The following CDH13 variants were observed in gnomAD, a reference collection of about 807,000 sequenced individuals.
CDH13 encodes cadherin-13.
A neutral mutation model predicts 63.8 loss-of-function variants in CDH13; 24 were observed. The ratio of observed to expected loss-of-function variants is 0.38; its 90% CI spans 0.27 to 0.53. The LOEUF (loss-of-function observed/expected upper bound fraction) is 0.53, where lower values mean the gene tolerates loss of function less well. CDH13 is among the 20% of genes least tolerant of loss of function. The pLI, the probability that CDH13 is intolerant of heterozygous loss-of-function variation, is 0.85. For missense variants in CDH13, 1,049 were observed against 903.1 expected, an observed-to-expected ratio of 1.16 and a Z score of -2.07; for synonymous variants, 503 against 355.3, an observed-to-expected ratio of 1.42 and a Z score of -4.67.
intron 2 of CDH13, among the ~76,000 whole-genome samples, chr16:82,891,240 C>G (rs2041070600): frequency 2.0e-5 from 3 of 152,088 alleles, no homozygotes; most frequent in Admixed American, 1.3e-4. Context: ...TGTTCTGTAT[C>G]TCTCCCTTGG....
chr16:83,290,489 T>C (rs572501992), intron 5 of CDH13, among the ~76,000 whole-genome samples: 3 of 152,286 alleles, frequency 2.0e-5, no homozygotes, highest in East Asian at 1.9e-4. Flanking sequence ...CCTGTGACCA[T>C]GTAAGACGTG....
chr16:83,542,113 C>T (rs1156389438), intron 7 of CDH13, among the ~76,000 whole-genome samples: 2 of 152,208 alleles, frequency 1.3e-5, no homozygotes, highest in Non-Finnish European at 2.9e-5. Context: ...TCATGCTAGT[C>T]TTATTGAATT....
chr16:82,765,392 C>G (rs1287256837), intron 1 of CDH13, among the ~76,000 whole-genome samples: 1 of 152,120 alleles, frequency 6.6e-6, no homozygotes, highest in Admixed American at 6.5e-5. Flanking sequence ...CATTCAGTGC[C>G]CAGCTCTAAA....
At chr16:82,966,662 A>C (rs1567702010) in intron 2 of CDH13, among the ~76,000 whole-genome samples, 1 of 152,230 alleles carries the variant, frequency 6.6e-6, no homozygotes, top group Non-Finnish European at 1.5e-5. Context: ...GGAAAGTTGC[A>C]AAAAGAATGT....
At chr16:83,061,297 T>C (rs2031528294) in intron 3 of CDH13, among the ~76,000 whole-genome samples, 1 of 152,162 alleles carries the variant, frequency 6.6e-6, no homozygotes, top group African/African-American at 2.4e-5. Flanking sequence ...TGGTAGACAA[T>C]TGAGGCTGTA....
intron 8 of CDH13, among the ~76,000 whole-genome samples, chr16:83,621,463 C>T (rs1466349623): frequency 1.4e-5 from 2 of 145,674 alleles, no homozygotes; most frequent in African/African-American, 2.5e-5. Flanking sequence ...CTCTTGCTCT[C>T]ACCTCACCTG....
chr16:83,233,424 T>C (rs2040057917), intron 5 of CDH13, among the ~76,000 whole-genome samples: 2 of 152,234 alleles, frequency 1.3e-5, no homozygotes, highest in Non-Finnish European at 2.9e-5. Flanking sequence ...GTTTTCTATT[T>C]CTGCCCAAAC....
intron 1 of CDH13, among the ~76,000 whole-genome samples, chr16:82,690,307 T>C (rs1597332051): frequency 1.3e-5 from 2 of 152,220 alleles, no homozygotes; most frequent in South Asian, 4.1e-4. Context: ...GCTTTGGAAA[T>C]GTGTCAACCC....
chr16:83,284,513 A>G (rs1354111839), intron 5 of CDH13, among the ~76,000 whole-genome samples: 1 of 152,216 alleles, frequency 6.6e-6, no homozygotes, highest in East Asian at 1.9e-4. Flanking sequence ...AAGATTAAAG[A>G]GTACAGGCTA....
chr16:83,430,399 A>C (rs1258264839), intron 6 of CDH13, among the ~76,000 whole-genome samples: 2 of 152,234 alleles, frequency 1.3e-5, no homozygotes, highest in African/African-American at 4.8e-5. Context: ...GAATAAATGA[A>C]AAACCTGATT....
At chr16:82,793,281 T>A (rs6565069) in intron 1 of CDH13, among the ~76,000 whole-genome samples, 1 of 151,750 alleles carries the variant, frequency 6.6e-6, no homozygotes, top group African/African-American at 2.4e-5. Flanking sequence ...ATTGTGGATC[T>A]GAGCGAGATG....
intron 1 of CDH13, chr16:82,824,757 CATA>C (rs2038163472): frequency 6.6e-6 from 1 of 152,124 alleles, no homozygotes; most frequent in Non-Finnish European, 1.5e-5. Flanking sequence ...AATTAAAAAA[CATA>C]AGAGATGTAT....
At chr16:83,657,948 ATCCTCACCAGCAAGGTCTCATG>A in intron 8 of CDH13, among the ~76,000 whole-genome samples, 1 of 140,836 alleles carries the variant, frequency 7.1e-6, no homozygotes, top group Non-Finnish European at 1.5e-5. Context: ...CAGGTCCCAT[ATCCTCACCAGCAAGGTCTCATG>A]TCCTCACCAC....
chr16:83,098,435 AC>A (rs2034310884), intron 3 of CDH13, among the ~76,000 whole-genome samples: 1 of 152,052 alleles, frequency 6.6e-6, no homozygotes, highest in African/African-American at 2.4e-5. Context: ...CATATACACC[AC>A]TTTCTGTGCT....
At chr16:83,190,596 A>G (rs765627056) in intron 4 of CDH13, among the ~76,000 whole-genome samples, 10 of 152,192 alleles carry the variant, frequency 6.6e-5, no homozygotes, top group Non-Finnish European at 1.5e-4. Context: ...GCTGTTCATT[A>G]GGATGGGTCT....
intron 7 of CDH13, among the ~76,000 whole-genome samples, chr16:83,585,174 T>A (rs1598331071): frequency 6.6e-6 from 1 of 152,174 alleles, no homozygotes. Flanking sequence ...CTGGCGTGGG[T>A]GGCCTTCCCT....
intron 5 of CDH13, among the ~76,000 whole-genome samples, chr16:83,288,289 A>G (rs1230042414): frequency 1.3e-5 from 2 of 152,218 alleles, no homozygotes; most frequent in African/African-American, 2.4e-5. Flanking sequence ...GTGTTGCACC[A>G]GCTTGTTTTA....
chr16:83,276,919 CAG>C (rs1335059243), intron 5 of CDH13, among the ~76,000 whole-genome samples: 1 of 152,080 alleles, frequency 6.6e-6, no homozygotes, highest in Admixed American at 6.5e-5. Flanking sequence ...TGTTGGCAGG[CAG>C]AGAGAGTATG....
intron 2 of CDH13, among the ~76,000 whole-genome samples, chr16:82,943,570 T>G (rs1166541860): frequency 6.6e-6 from 1 of 152,148 alleles, no homozygotes; most frequent in African/African-American, 2.4e-5. Flanking sequence ...GACTGATGAG[T>G]TGGCTTTTAT....
Sources: allele counts gnomAD v4.1 joint callset (sites outside exome capture counted in the v4.1 genomes callset), GRCh38; gene constraint gnomAD v4.1.1; transcripts MANE v1.5; gene names NCBI Gene and HGNC (gene_info 2026-07-23, HGNC 2026-07-21).